The following CTNNA3 variants were observed in gnomAD, a reference collection of about 807,000 sequenced individuals.
CTNNA3 encodes catenin alpha 3.
A neutral mutation model predicts 95.7 loss-of-function variants in CTNNA3; 76 were observed. The ratio of observed to expected loss-of-function variants is 0.79; its 90% CI spans 0.66 to 0.96. CTNNA3 has a LOEUF of 0.96. Among genes scored for constraint, CTNNA3 ranks in the 40% least tolerant of loss-of-function variants. The pLI is 0.00. For synonymous variants in CTNNA3, 431 were observed against 374.4 expected, an observed-to-expected ratio of 1.15 and a Z score of -1.74; for missense variants, 1,191 against 1,089.8, an observed-to-expected ratio of 1.09 and a Z score of -1.31.
chr10:67,621,725 G>A (rs547720171), intron 2 of CTNNA3, among the ~76,000 whole-genome samples: 1 of 149,666 alleles, frequency 6.7e-6, no homozygotes, highest in African/African-American at 2.5e-5. Flanking sequence ...CTCCAGCCTA[G>A]GCAACACAGC....
At chr10:66,556,839 C>T (rs1326643677) in intron 10 of CTNNA3, among the ~76,000 whole-genome samples, 1 of 151,932 alleles carries the variant, frequency 6.6e-6, no homozygotes, top group South Asian at 2.1e-4. Context: ...CTCTTTTATA[C>T]CAAAAATTTC....
intron 9 of CTNNA3, among the ~76,000 whole-genome samples, chr10:66,711,368 G>T (rs10997336): frequency 0.023 from 3,487 of 150,994 alleles, 170 homozygotes; most frequent in East Asian, 0.22. Flanking sequence ...TTAAAAAACA[G>T]CTATATATCA....
At chr10:66,169,715 C>A (rs1167720597) in intron 13 of CTNNA3, among the ~76,000 whole-genome samples, 2 of 152,108 alleles carry the variant, frequency 1.3e-5, no homozygotes, top group African/African-American at 4.8e-5. Flanking sequence ...AATGGCCATT[C>A]TTGCAGGAGT....
intron 1 of CTNNA3, among the ~76,000 whole-genome samples, chr10:67,738,288 G>A (rs1422709123): frequency 6.6e-6 from 1 of 152,102 alleles, no homozygotes; most frequent in East Asian, 1.9e-4. Flanking sequence ...GCCTCTGCTG[G>A]TGATACCCAG....
At chr10:66,426,050 A>G (rs2093237926) in intron 11 of CTNNA3, among the ~76,000 whole-genome samples, 2 of 152,142 alleles carry the variant, frequency 1.3e-5, no homozygotes, top group South Asian at 4.1e-4. Context: ...AATTTGTATC[A>G]TATGACTGTT....
Position 66,201,783 on chromosome 10 carries a change from C to CTTTTTTTT in CTNNA3, c.1884+78679_1884+78686dup, listed in dbSNP as rs1236010501. On this transcript the variant is annotated intron_variant, in intron 13 of 17. Coordinates refer to ENST00000433211, the MANE Select transcript of CTNNA3 (RefSeq NM_013266.4). ...GATTGTTGCTGTCTTTTTACTTTTTCTTTTTTTTTTTTTTTTTTTTTTGAG... is the reference window on the plus strand; with the variant it reads ...GATTGTTGCTGTCTTTTTACTTTTTCTTTTTTTTTTTTTTTTTTTTTTTTTTTTTTGAG... Among the ~76,000 whole-genome samples, 107 of 79,356 alleles carry CTTTTTTTT rather than the reference C, an allele frequency of 1.3e-3. 7 individuals are homozygous for CTTTTTTTT. The highest frequency in any genetic ancestry group is 2.1e-3 in the Admixed American group (12 of 5,694). 52.1% of individuals were successfully genotyped at this position (79,356 alleles called of 152,430 possible). A position where few individuals can be genotyped will look rare whatever the true frequency, so the allele number is the denominator to read the frequency against.
At chr10:66,358,518 TACTC>T (rs1392643331) in intron 12 of CTNNA3, among the ~76,000 whole-genome samples, 1 of 152,160 alleles carries the variant, frequency 6.6e-6, no homozygotes, top group Non-Finnish European at 1.5e-5. Flanking sequence ...AAGGTATACT[TACTC>T]CATTTTTAAC....
At chr10:66,481,285 T>C (rs1190580847) in intron 11 of CTNNA3, among the ~76,000 whole-genome samples, 1 of 152,074 alleles carries the variant, frequency 6.6e-6, no homozygotes, top group Non-Finnish European at 1.5e-5. Context: ...AGTTTCCCAT[T>C]AATTTGATTT....
intron 10 of CTNNA3, among the ~76,000 whole-genome samples, chr10:66,529,454 T>TTTG (rs1564514308): frequency 1.7e-4 from 25 of 151,376 alleles, no homozygotes; most frequent in African/African-American, 5.1e-4. Context: ...TTTTTTGTTT[T>TTTG]TTTTTTTTAA....
intron 5 of CTNNA3, among the ~76,000 whole-genome samples, chr10:67,485,658 T>C (rs1463145692): frequency 6.6e-6 from 1 of 152,200 alleles, no homozygotes; most frequent in Non-Finnish European, 1.5e-5. Context: ...TACTTTCTCA[T>C]CCTTGGCTTT....
chr10:66,890,139 G>T (rs1021526681), intron 7 of CTNNA3, among the ~76,000 whole-genome samples: 2 of 152,126 alleles, frequency 1.3e-5, no homozygotes, highest in Non-Finnish European at 2.9e-5. Context: ...TTCCATTTTG[G>T]ACATGTAAGG....
At chr10:67,504,269 G>A (rs139840193) in intron 5 of CTNNA3, among the ~76,000 whole-genome samples, 6,126 of 150,518 alleles carry the variant, frequency 0.041, 142 homozygotes, top group South Asian at 0.098. Flanking sequence ...TGGCTAACAC[G>A]GTGAAACCCC....
intron 13 of CTNNA3, among the ~76,000 whole-genome samples, chr10:66,278,936 C>T (rs576221820): frequency 6.6e-6 from 1 of 151,780 alleles, no homozygotes; most frequent in South Asian, 2.1e-4. Flanking sequence ...AATTTTGCAA[C>T]AAGAAAATTG....
intron 13 of CTNNA3, among the ~76,000 whole-genome samples, chr10:66,136,181 C>T (rs1400685661): frequency 1.3e-5 from 2 of 152,180 alleles, no homozygotes; most frequent in Non-Finnish European, 2.9e-5. Flanking sequence ...GGATTACAGG[C>T]GTGAGCCACC....
chr10:67,686,407 G>T (rs1446351336), intron 1 of CTNNA3, among the ~76,000 whole-genome samples: 1 of 152,184 alleles, frequency 6.6e-6, no homozygotes, highest in East Asian at 1.9e-4. Flanking sequence ...GGTGGCATAA[G>T]TCTGGACTAT....
intron 13 of CTNNA3, among the ~76,000 whole-genome samples, chr10:66,147,841 A>C (rs1410322103): frequency 6.6e-6 from 1 of 151,050 alleles, no homozygotes; most frequent in Non-Finnish European, 1.5e-5. Flanking sequence ...ATGTATGTAT[A>C]TTAATATGCT....
chr10:67,482,656 CA>C (rs1206191291), intron 5 of CTNNA3, among the ~76,000 whole-genome samples: 2 of 152,160 alleles, frequency 1.3e-5, no homozygotes, highest in Non-Finnish European at 2.9e-5. Flanking sequence ...TGGGCTGAGA[CA>C]ATGGGGTTTC....
intron 5 of CTNNA3, among the ~76,000 whole-genome samples, chr10:67,231,717 T>A (rs1865221734): frequency 6.6e-6 from 1 of 152,004 alleles, no homozygotes; most frequent in African/African-American, 2.4e-5. Context: ...TACTCCGAGC[T>A]ACAGGAGGAC....
chr10:66,523,587 T>C (rs912697835), intron 10 of CTNNA3, among the ~76,000 whole-genome samples: 3 of 152,200 alleles, frequency 2.0e-5, no homozygotes, highest in African/African-American at 7.2e-5. Flanking sequence ...AAAGCTTTTT[T>C]TTAAAATGAA....
Sources: allele counts gnomAD v4.1 joint callset (sites outside exome capture counted in the v4.1 genomes callset), GRCh38; gene constraint gnomAD v4.1.1; transcripts MANE v1.5; gene names NCBI Gene and HGNC (gene_info 2026-07-23, HGNC 2026-07-21).